Variants in SP100 observed in about 807,000 individuals in gnomAD.
SP100 encodes the protein nuclear autoantigen Sp-100.
In SP100, 84 loss-of-function variants were observed where a neutral mutation model predicts 130.0. That is an observed-to-expected ratio of 0.65 (90% CI 0.54 to 0.77). The LOEUF (loss-of-function observed/expected upper bound fraction) is 0.77, where lower values mean the gene tolerates loss of function less well. Ranked by LOEUF, SP100 falls within the 30% of genes least tolerant of loss-of-function variation. The pLI, the probability that SP100 is intolerant of heterozygous loss-of-function variation, is 0.00. For missense variants in SP100, 978 were observed against 1,052.2 expected (o/e 0.93, Z 0.97); for synonymous variants, 331 against 351.7 (o/e 0.94, Z 0.66).
intron 8 of SP100, 71 bp from the exon 9 acceptor site, chr2:230,461,191 G>A (rs2064602036): frequency 5.5e-6 from 8 of 1,447,354 alleles, no homozygotes; most frequent in African/African-American, 2.8e-5. Context: ...TGCAGAGAGG[G>A]GGAGTTATTA....
At chr2:230,456,163 G>A (rs1575643710) in intron 8 of SP100, among the ~76,000 whole-genome samples, 1 of 152,264 alleles carries the variant, frequency 6.6e-6, no homozygotes, top group East Asian at 1.9e-4. Flanking sequence ...CTGAAAGACA[G>A]CTTTGCCAAG....
intron 24 of SP100, among the ~76,000 whole-genome samples, chr2:230,524,196 A>AAAAAAAG (rs1559534607): frequency 2.7e-5 from 3 of 110,232 alleles, no homozygotes; most frequent in Non-Finnish European, 6.7e-5. Context: ...AAAAAAAAAA[A>AAAAAAAG]AAAAAGAAAA....
At chr2:230,468,817 CA>C (rs10617635) in intron 13 of SP100, 1,433 of 149,432 alleles carry the variant, frequency 9.6e-3, no homozygotes, top group East Asian at 0.024. Context: ...GACCCTGTCT[CA>C]AAAAAAAAAA....
chr2:230,443,482 T>C (rs181520451), intron 3 of SP100, among the ~76,000 whole-genome samples: 34 of 152,368 alleles, frequency 2.2e-4, no homozygotes, highest in African/African-American at 7.2e-4. Flanking sequence ...GAAATAGCAG[T>C]TGACACAGCA....
At chr2:230,430,558 A>G (rs1250058149) in intron 2 of SP100, among the ~76,000 whole-genome samples, 1 of 152,236 alleles carries the variant, frequency 6.6e-6, no homozygotes, top group Non-Finnish European at 1.5e-5. Context: ...TGGGCTCATC[A>G]GGAAGGTAGC....
intron 17 of SP100, among the ~76,000 whole-genome samples, chr2:230,476,997 C>T (rs1480596872): frequency 6.6e-6 from 1 of 151,982 alleles, no homozygotes; most frequent in Non-Finnish European, 1.5e-5. Flanking sequence ...TCCCGAGTAG[C>T]TAGGATTACA....
chr2:230,492,603 A>T (rs1034387682), intron 17 of SP100, among the ~76,000 whole-genome samples: 1 of 151,926 alleles, frequency 6.6e-6, no homozygotes, highest in Non-Finnish European at 1.5e-5. Context: ...ACTGCACCTA[A>T]CCCTTCTCAT....
At chr2:230,430,393 A>C (rs546484778) in intron 2 of SP100, among the ~76,000 whole-genome samples, 7 of 152,324 alleles carry the variant, frequency 4.6e-5, no homozygotes, top group African/African-American at 1.7e-4. Context: ...GGCAGGGTTG[A>C]AGACTGTGTT....
chr2:230,539,921 A>G (rs1453872264), intron 25 of SP100, among the ~76,000 whole-genome samples: 1 of 152,104 alleles, frequency 6.6e-6, no homozygotes, highest in Admixed American at 6.5e-5. Flanking sequence ...GTGCTCTGTG[A>G]GTGGTGTGTG....
Position 230,539,141 on chromosome 2 carries a change from A to T in SP100, c.2095-126A>T, listed in dbSNP as rs1692065710. On this transcript the variant is annotated intron_variant, in intron 24 of 28. Transcript: ENST00000340126. Reference sequence around the variant, plus strand: ...GACCAAAATGTCTTCTGAGATCTCCACTCAGCAATCTTTAATATTTTGAGG... The same window carrying T: ...GACCAAAATGTCTTCTGAGATCTCCTCTCAGCAATCTTTAATATTTTGAGG... 12 of 616,210 alleles carry T rather than the reference A, an allele frequency of 1.9e-5. 1 individual carries two copies. In the Middle Eastern group the frequency reaches 1.1e-3, roughly 57 times the overall value. 38.2% of individuals were successfully genotyped at this position (616,210 alleles called of 1,614,324 possible).
chr2:230,469,706 A>C (rs1051581), intron 14 of SP100: 355,287 of 1,188,218 alleles, frequency 0.3, 56,582 homozygotes, highest in Middle Eastern at 0.36. Context: ...TATGACAAGC[A>C]TATATTGCTT....
At chr2:230,533,058 G>A (rs1691777761) in intron 24 of SP100, among the ~76,000 whole-genome samples, 2 of 152,218 alleles carry the variant, frequency 1.3e-5, no homozygotes, top group African/African-American at 4.8e-5. Flanking sequence ...TGGGATTACA[G>A]GCATAAGCCA....
At chr2:230,524,681 T>A (rs1379433828) in intron 24 of SP100, among the ~76,000 whole-genome samples, 2 of 152,190 alleles carry the variant, frequency 1.3e-5, no homozygotes, top group African/African-American at 4.8e-5. Flanking sequence ...CTTAAAGTCA[T>A]TTTGGATGCT....
chr2:230,438,692 GTA>G (rs964985232), intron 2 of SP100, among the ~76,000 whole-genome samples: 10 of 117,992 alleles, frequency 8.5e-5, no homozygotes, highest in East Asian at 2.1e-4. Context: ...CACACATATG[GTA>G]TATATATATG....
At chr2:230,442,116 A>G (rs1216955484) in intron 2 of SP100, among the ~76,000 whole-genome samples, 1 of 152,192 alleles carries the variant, frequency 6.6e-6, no homozygotes, top group Non-Finnish European at 1.5e-5. Flanking sequence ...GACAGTGCCA[A>G]TAATTCTCTT....
In SP100 at chr2:230,446,835, G is replaced by A. The variant is rs2063732355; in HGVS notation, c.456G>A (p.Leu152=). 6.2e-7 allele frequency: 1 copy of A among 1,608,732 alleles called. No homozygotes were observed. The highest frequency in any genetic ancestry group is 8.5e-7 in the Non-Finnish European group (1 of 1,175,662). The part of the protein sequence containing the change: ...KGFENVIHDK[L]PLQESEEEER... ...ACTCTTCAGTAATCCATGACAAATT[G>A]CCTCTCCAAGAAAGTGAAGAAGAAG... The change falls in exon 5 of 29, where the codon TTG becomes TTA. Residue 152 remains leucine (L), a synonymous_variant. Coordinates refer to ENST00000340126, the MANE Select transcript of SP100 (RefSeq NM_001080391.2).
chr2:230,465,684 C>T (rs1349246323), intron 11 of SP100, among the ~76,000 whole-genome samples: 2 of 152,130 alleles, frequency 1.3e-5, no homozygotes, highest in African/African-American at 4.8e-5. Context: ...GTACAACAAA[C>T]TCCTGTGACA....
At chr2:230,488,868 A>T (rs1161955321) in intron 17 of SP100, among the ~76,000 whole-genome samples, 1 of 152,208 alleles carries the variant, frequency 6.6e-6, no homozygotes, top group African/African-American at 2.4e-5. Flanking sequence ...CCAGGGATGA[A>T]GCCTACTTGA....
chr2:230,422,972 T>C (rs2062814335), intron 2 of SP100, among the ~76,000 whole-genome samples: 1 of 152,208 alleles, frequency 6.6e-6, no homozygotes, highest in Non-Finnish European at 1.5e-5. Flanking sequence ...AGCAGAACTA[T>C]AGCAGCCTCA....
Sources: gnomAD v4.1 joint callset for allele counts (sites outside exome capture counted in the v4.1 genomes callset) on GRCh38, gnomAD v4.1.1 for gene constraint, MANE v1.5 for transcripts, NCBI Gene and HGNC (gene_info 2026-07-23, HGNC 2026-07-21) for gene names.